The following ADAT2 variants were observed in gnomAD, a reference collection of about 807,000 sequenced individuals.
ADAT2 encodes adenosine deaminase tRNA specific 2.
ADAT2 carries 26 observed loss-of-function variants against 25.9 expected under a neutral mutation model. The observed-to-expected ratio is 1.00, with a 90% CI of 0.74 to 1.39. The LOEUF (loss-of-function observed/expected upper bound fraction) is 1.39, where lower values mean the gene tolerates loss of function less well. Ranked by LOEUF, ADAT2 falls within the 40% of genes most tolerant of loss-of-function variation. ADAT2 has a pLI of 0.00. For missense variants in ADAT2, 220 were observed against 244.8 expected, an observed-to-expected ratio of 0.90 and a Z score of 0.68; for synonymous variants, 76 against 86.8, an observed-to-expected ratio of 0.88 and a Z score of 0.69.
At chr6:143,438,893 C>A (rs921864707) in intron 1 of ADAT2, among the ~76,000 whole-genome samples, 199 bp from the exon 2 acceptor site, 1 of 151,632 alleles carries the variant, frequency 6.6e-6, no homozygotes, top group African/African-American at 2.4e-5. Flanking sequence ...AAGGGAGACT[C>A]AAAAAAAATC....
At position 143,424,818 on chromosome 6, in the gene ADAT2, T is replaced by C. The variant is rs1376243056; in HGVS notation, c.*3645A>G. ...AATTTAATAGTTGCTTTGAAATTTATGTCATTAATTTTCCTCCTCTCCTTT... is the reference window on the plus strand; with the variant it reads ...AATTTAATAGTTGCTTTGAAATTTACGTCATTAATTTTCCTCCTCTCCTTT... On this transcript the variant is annotated 3_prime_UTR_variant, in exon 6 of 6. Coordinates refer to ENST00000237283, the MANE Select transcript of ADAT2 (RefSeq NM_182503.3). The surrounding 1 kb of genome is among the most constrained non-coding windows in gnomAD (Gnocchi z 4.8). 2 of 152,246 alleles carry C rather than the reference T, an allele frequency of 1.3e-5. No individual in the cohort carries two copies. The highest frequency in any genetic ancestry group is 2.9e-5 in the Non-Finnish European group (2 of 68,046). The allele number at this position is 152,246 out of a possible 1,614,324, so 9.4% of individuals were successfully genotyped here. A position where few individuals can be genotyped will look rare whatever the true frequency, so the allele number is the denominator to read the frequency against.
Position 143,433,922 on chromosome 6 carries a change from A to G in ADAT2, c.261T>C (p.Ser87=). Reference sequence around the variant, plus strand: ...CAAATACTTCAGAGGGACTCTTGCCACTTTGACGACACCAATCGAGGACCT... The same window carrying G: ...CAAATACTTCAGAGGGACTCTTGCCGCTTTGACGACACCAATCGAGGACCT... ...IDQVLDWCRQ[S]GKSPSEVFEH... The change falls in exon 3 of 6, where the codon AGT becomes AGC. Residue 87 remains serine (S), a synonymous_variant. Coordinates refer to ENST00000237283, the MANE Select transcript of ADAT2 (RefSeq NM_182503.3). 2 of 1,614,166 alleles carry G rather than the reference A, an allele frequency of 1.2e-6. No homozygotes were observed. Among genetic ancestry groups the G allele is most frequent in the Non-Finnish European group, 1.7e-6 (2 of 1,180,022 alleles).
At chr6:143,449,143 G>T (rs1200623381) in intron 1 of ADAT2, among the ~76,000 whole-genome samples, 4 of 152,004 alleles carry the variant, frequency 2.6e-5, no homozygotes, top group African/African-American at 9.7e-5. Flanking sequence ...ATCTCCCAAG[G>T]CTCAAGCAAT....
chr6:143,433,699 TA>T, intron 3 of ADAT2, 131 bp downstream of exon 3: 1 of 937,052 alleles, frequency 1.1e-6, no homozygotes, highest in Non-Finnish European at 1.5e-6. Context: ...TTTTTTTGGC[TA>T]AGACACACTA....
rs1047707777 is a variant in ADAT2 at position 143,440,233 on chromosome 6, C to T, written c.97-1539G>A. 6.6e-6 allele frequency among the ~76,000 whole-genome samples: 1 copy of T among 152,172 alleles called. No homozygotes were observed. The highest frequency in any genetic ancestry group is 1.5e-5 in the Non-Finnish European group (1 of 68,034). ...AAGAGACTTTGGAAGACTTGATTCT[C>T]ACTTAAGTGCAGGTACTTACACACA... On this transcript the variant is annotated intron_variant, in intron 1 of 5. Coordinates refer to ENST00000237283, the MANE Select transcript of ADAT2 (RefSeq NM_182503.3). This position sits in a 1 kb window ranked among gnomAD's most constrained non-coding sequence, Gnocchi z 4.5.
At chr6:143,445,572 T>A (rs1562645249) in intron 1 of ADAT2, among the ~76,000 whole-genome samples, 1 of 152,212 alleles carries the variant, frequency 6.6e-6, no homozygotes, top group Non-Finnish European at 1.5e-5. Flanking sequence ...CTATCATTTA[T>A]CTCAACGGAC....
At chr6:143,430,209 G>C (rs1489745455) in intron 4 of ADAT2, among the ~76,000 whole-genome samples, 1 of 152,180 alleles carries the variant, frequency 6.6e-6, no homozygotes, top group African/African-American at 2.4e-5. Context: ...AAGTGCTGGA[G>C]CTCCCCAGAG....
At chr6:143,438,490 G>A (rs1282445909) in intron 2 of ADAT2, 100 bp downstream of exon 2, 1 of 819,556 alleles carries the variant, frequency 1.2e-6, no homozygotes. Flanking sequence ...GGCAGCTACG[G>A]GACTATATTC....
At chr6:143,433,564 A>G (rs559114969) in intron 3 of ADAT2, among the ~76,000 whole-genome samples, 10 of 152,272 alleles carry the variant, frequency 6.6e-5, no homozygotes, top group Non-Finnish European at 1.3e-4. Flanking sequence ...TTAATTTATG[A>G]TTTACCTTTA....
rs956636614 is a variant in ADAT2, at chr6:143,443,947, G to A, written c.97-5253C>T. 1.2e-3 allele frequency among the ~76,000 whole-genome samples: 179 copies of A among 152,100 alleles called. 1 individual carries two copies. The highest frequency in any genetic ancestry group is 4.0e-3 in the African/African-American group (165 of 41,410). Reference sequence around the variant, plus strand: ...CTGAAGAGCTCTACATTGGCTATGTGGGCCATCTCAAACCTGCAGAAGAGA... The same window carrying A: ...CTGAAGAGCTCTACATTGGCTATGTAGGCCATCTCAAACCTGCAGAAGAGA... On this transcript the variant is annotated intron_variant, in intron 1 of 5. Coordinates refer to ENST00000237283, the MANE Select transcript of ADAT2 (RefSeq NM_182503.3).
intron 2 of ADAT2, among the ~76,000 whole-genome samples, chr6:143,438,379 C>T (rs1779353967): frequency 6.6e-6 from 1 of 152,020 alleles, no homozygotes; most frequent in Non-Finnish European, 1.5e-5. Flanking sequence ...TTAAATTGTT[C>T]TGAATTTTCC....
intron 1 of ADAT2, among the ~76,000 whole-genome samples, chr6:143,449,613 T>C (rs1779700940): frequency 6.6e-6 from 1 of 152,200 alleles, no homozygotes; most frequent in Admixed American, 6.5e-5. Flanking sequence ...TCAGCTTCAT[T>C]ATAATCCTAT....
chr6:143,438,878 A>T (rs929097577), intron 1 of ADAT2, among the ~76,000 whole-genome samples, 184 bp from the exon 2 acceptor site: 5 of 152,092 alleles, frequency 3.3e-5, no homozygotes, highest in Admixed American at 3.3e-4. Flanking sequence ...TGTTGTGTCC[A>T]TGTTAAGGGA....
rs1452823761 is a variant in ADAT2, at chr6:143,427,697, T to C, written c.*766A>G. 1 of 152,176 alleles carries C rather than the reference T, an allele frequency of 6.6e-6. No individual in the cohort carries two copies. 9.4% of individuals were successfully genotyped at this position (152,176 alleles called of 1,614,324 possible). A position where few individuals can be genotyped will look rare whatever the true frequency, so the allele number is the denominator to read the frequency against. On this transcript the variant is annotated 3_prime_UTR_variant, in exon 6 of 6. Coordinates refer to ENST00000237283, the MANE Select transcript of ADAT2 (RefSeq NM_182503.3). ...TATTGTCCTCCAATAAACTGTGTAA[T>C]CTATCATATCCATCTCCCCTTGCTA... is the stretch of plus-strand genomic sequence containing the variant.
At chr6:143,433,165 T>C (rs1326579717) in intron 3 of ADAT2, among the ~76,000 whole-genome samples, 1 of 152,200 alleles carries the variant, frequency 6.6e-6, no homozygotes, top group Non-Finnish European at 1.5e-5. Flanking sequence ...GTTAAAATTA[T>C]CCATCCGTAC....
At chr6:143,429,619 A>G (rs1248398819) in intron 4 of ADAT2, among the ~76,000 whole-genome samples, 1 of 152,202 alleles carries the variant, frequency 6.6e-6, no homozygotes. Context: ...CTATTAAGGA[A>G]GCATAAGGAA....
At chr6:143,430,447 A>C (rs1378885038) in intron 4 of ADAT2, among the ~76,000 whole-genome samples, 1 of 152,218 alleles carries the variant, frequency 6.6e-6, no homozygotes. Flanking sequence ...AGAACTGCTG[A>C]GTTACAGGCC....
chr6:143,449,792 A>G (rs998097740), intron 1 of ADAT2: 1 of 152,198 alleles, frequency 6.6e-6, no homozygotes, highest in Non-Finnish European at 1.5e-5. Flanking sequence ...CCAGAAGTCT[A>G]CATAGAAACT....
intron 3 of ADAT2, among the ~76,000 whole-genome samples, chr6:143,433,044 AGCCACTCTGTAAG>A (rs1195640598): frequency 6.6e-6 from 1 of 152,218 alleles, no homozygotes; most frequent in East Asian, 1.9e-4. Context: ...ACTAAAGCTT[AGCCACTCTGTAAG>A]GCAGGATGAG....
Sources: allele counts gnomAD v4.1 joint callset (sites outside exome capture counted in the v4.1 genomes callset), GRCh38; gene constraint gnomAD v4.1.1; non-coding constraint Gnocchi (gnomAD v3.1); transcripts MANE v1.5; gene names NCBI Gene and HGNC (gene_info 2026-07-23, HGNC 2026-07-21).